The following IL1RAPL1 variants were observed in gnomAD, a reference collection of about 807,000 sequenced individuals.
The protein encoded by IL1RAPL1 is interleukin-1 receptor accessory protein-like 1.
A neutral mutation model predicts 48.4 loss-of-function variants in IL1RAPL1; 3 were observed. The ratio of observed to expected loss-of-function variants is 0.06; its 90% confidence interval spans 0.03 to 0.16. The LOEUF (loss-of-function observed/expected upper bound fraction) is 0.16. Among genes scored for constraint, IL1RAPL1 ranks in the 10% least tolerant of loss-of-function variants. The probability of loss-of-function intolerance (pLI) is 1.00; values close to 1 mark genes in which losing one functional copy is unlikely to be tolerated. For synonymous variants in IL1RAPL1, 185 were observed against 187.7 expected, an observed-to-expected ratio of 0.99 and a Z score of 0.12; for missense variants, 349 against 530.6, an observed-to-expected ratio of 0.66 and a Z score of 3.36.
At chrX:29,699,148 A>C (rs1926989718) in intron 6 of IL1RAPL1, among the ~76,000 whole-genome samples, 1 of 112,478 alleles carries the variant, frequency 8.9e-6, no homozygotes, top group Non-Finnish European at 1.9e-5. Flanking sequence ...TTACAATGAA[A>C]AGTCTATGTG....
At chrX:29,944,279 A>G (rs1015918266) in intron 9 of IL1RAPL1, among the ~76,000 whole-genome samples, 1 of 111,378 alleles carries the variant, frequency 9.0e-6, no homozygotes, top group Non-Finnish European at 1.9e-5. Context: ...CTAGAACCGC[A>G]ATCACATGTT....
intron 2 of IL1RAPL1, among the ~76,000 whole-genome samples, chrX:28,959,735 A>G (rs1388564176): frequency 8.9e-6 from 1 of 112,028 alleles, no homozygotes; most frequent in Non-Finnish European, 1.9e-5. Flanking sequence ...TCTTTTAGAG[A>G]TGTTAAACAT....
At chrX:29,521,789 A>G (rs1382633563) in intron 5 of IL1RAPL1, among the ~76,000 whole-genome samples, 2 of 112,102 alleles carry the variant, frequency 1.8e-5, no homozygotes, top group Non-Finnish European at 3.8e-5. Context: ...TTGGCTCCCT[A>G]TAATACTTTA....
chrX:29,249,546 T>C (rs1339733080), intron 2 of IL1RAPL1, among the ~76,000 whole-genome samples: 1 of 111,813 alleles, frequency 8.9e-6, no homozygotes, highest in Non-Finnish European at 1.9e-5. Flanking sequence ...TTAACACTGA[T>C]AGCACTCTAT....
At chrX:29,519,050 G>A (rs993308639) in intron 5 of IL1RAPL1, among the ~76,000 whole-genome samples, 1 of 111,398 alleles carries the variant, frequency 9.0e-6, no homozygotes, top group African/African-American at 3.3e-5. Context: ...AAGAAAGAAA[G>A]GAGTCAAGGA....
At chrX:29,100,325 A>G (rs1330080961) in intron 2 of IL1RAPL1, among the ~76,000 whole-genome samples, 1 of 112,337 alleles carries the variant, frequency 8.9e-6, no homozygotes, top group Non-Finnish European at 1.9e-5. Flanking sequence ...AGAAATCTCC[A>G]CTTCACAATG....
chrX:29,915,312 G>A (rs939553010), intron 6 of IL1RAPL1, among the ~76,000 whole-genome samples: 3 of 111,361 alleles, frequency 2.7e-5, no homozygotes, highest in African/African-American at 9.8e-5. Flanking sequence ...TTAGGGGCGG[G>A]GGAGGAATCC....
At chrX:29,402,657 G>A (rs763615762) in intron 5 of IL1RAPL1, among the ~76,000 whole-genome samples, 2 of 111,402 alleles carry the variant, frequency 1.8e-5, no homozygotes, top group South Asian at 3.8e-4. Context: ...AATAAAGTCC[G>A]TAGTTTATTT....
chrX:29,437,748 C>T (rs1215146377), intron 5 of IL1RAPL1, among the ~76,000 whole-genome samples: 1 of 110,371 alleles, frequency 9.1e-6, no homozygotes, highest in East Asian at 2.8e-4. Flanking sequence ...TTGAACCAGC[C>T]TTCCATCCTA....
chrX:29,811,639 A>G lies in IL1RAPL1; in HGVS notation c.779-105825A>G, dbSNP rs182750146. Among the ~76,000 whole-genome samples, 211 of 111,043 alleles carry G rather than the reference A, an allele frequency of 1.9e-3. 1 individual carries two copies. The highest frequency in any genetic ancestry group is 6.5e-3 in the African/African-American group (198 of 30,579). On this transcript the variant is annotated intron_variant, in intron 6 of 10. Coordinates refer to ENST00000378993, the MANE Select transcript of IL1RAPL1 (RefSeq NM_014271.4). ...TTGACACTCAGTATTAACCATCACA[A>G]TGGGATTACCAAAGAGCACAAGAAA...
chrX:29,508,875 CT>C (rs1232628477), intron 5 of IL1RAPL1, among the ~76,000 whole-genome samples: 10 of 112,130 alleles, frequency 8.9e-5, no homozygotes, highest in African/African-American at 3.2e-4. Flanking sequence ...AGTCTTACCA[CT>C]TTTTTATATG....
At chrX:29,655,651 C>CAAAAA (rs746998144) in intron 5 of IL1RAPL1, among the ~76,000 whole-genome samples, 1 of 26,751 alleles carries the variant, frequency 3.7e-5, no homozygotes, top group African/African-American at 1.5e-4. Flanking sequence ...TGACAGTCTC[C>CAAAAA]AAAAAAAAAA....
intron 5 of IL1RAPL1, among the ~76,000 whole-genome samples, chrX:29,443,231 G>GCTCTCTCTCTCTCTCTCTCTCTCT (rs376805298): frequency 2.1e-4 from 20 of 93,957 alleles, no homozygotes; most frequent in Admixed American, 1.1e-3. Context: ...GCTCTCGCTT[G>GCTCTCTCTCTCTCTCTCTCTCTCT]CTCTCTCTCT....
At chrX:29,476,921 C>T (rs751775303) in intron 5 of IL1RAPL1, among the ~76,000 whole-genome samples, 18 of 78,512 alleles carry the variant, frequency 2.3e-4, no homozygotes, top group Middle Eastern at 7.1e-3. Context: ...TCGCCCAGGC[C>T]GGACTGCGGA....
At chrX:28,867,322 G>A (rs1922101154) in intron 2 of IL1RAPL1, among the ~76,000 whole-genome samples, 1 of 111,516 alleles carries the variant, frequency 9.0e-6, no homozygotes, top group Admixed American at 9.6e-5. Flanking sequence ...GCATGGAGGT[G>A]TGATGGCTAG....
intron 6 of IL1RAPL1, among the ~76,000 whole-genome samples, chrX:29,844,715 C>G (rs747911898): frequency 1.8e-4 from 20 of 112,078 alleles, no homozygotes; most frequent in African/African-American, 6.1e-4. Context: ...TATGTGCAAA[C>G]TACATAATTT....
chrX:28,873,688 CA>C (rs1569190444), intron 2 of IL1RAPL1, among the ~76,000 whole-genome samples: 1 of 107,850 alleles, frequency 9.3e-6, no homozygotes, highest in Admixed American at 1.0e-4. Flanking sequence ...CCCGCCACCA[CA>C]GCCGGCTAAT....
chrX:29,740,496 C>T (rs996598465), intron 6 of IL1RAPL1, among the ~76,000 whole-genome samples: 3 of 112,127 alleles, frequency 2.7e-5, no homozygotes, highest in Non-Finnish European at 5.6e-5. Context: ...CCATCATTCT[C>T]TTAGTTACTC....
At chrX:29,706,078 A>G (rs1927186295) in intron 6 of IL1RAPL1, among the ~76,000 whole-genome samples, 1 of 111,609 alleles carries the variant, frequency 9.0e-6, no homozygotes, top group South Asian at 3.8e-4. Context: ...GAGCTGGTGC[A>G]GAGAAACTCC....
Sources: gnomAD v4.1 joint callset for allele counts (sites outside exome capture counted in the v4.1 genomes callset) on GRCh38, gnomAD v4.1.1 for gene constraint, MANE v1.5 for transcripts, NCBI Gene and HGNC (gene_info 2026-07-23, HGNC 2026-07-21) for gene names.